The following PARP8 variants were observed in gnomAD, a reference collection of about 807,000 sequenced individuals.
The protein encoded by PARP8 is protein mono-ADP-ribosyltransferase PARP8.
PARP8 carries 51 observed loss-of-function variants against 124.1 expected under a neutral mutation model. The ratio of observed to expected loss-of-function variants is 0.41; its 90% CI spans 0.33 to 0.52. PARP8 has a LOEUF of 0.52. Ranked by LOEUF, PARP8 falls within the 20% of genes least tolerant of loss-of-function variation. PARP8 has a pLI of 0.21. For missense variants in PARP8, 860 were observed against 1,018.9 expected (o/e 0.84, Z 2.12); for synonymous variants, 391 against 361.5 (o/e 1.08, Z -0.93).
chr5:50,772,973 C>T (rs1761780571), intron 7 of PARP8, among the ~76,000 whole-genome samples: 1 of 152,236 alleles, frequency 6.6e-6, no homozygotes, highest in Non-Finnish European at 1.5e-5. Context: ...GCTGGGATTA[C>T]AGGCATGAGC....
At chr5:50,772,664 A>G (rs570958149) in intron 7 of PARP8, among the ~76,000 whole-genome samples, 1 of 151,960 alleles carries the variant, frequency 6.6e-6, no homozygotes, top group Non-Finnish European at 1.5e-5. Flanking sequence ...AGAAATGCAC[A>G]TTCGGGTCTT....
chr5:50,725,755 C>T (rs1756361935), intron 2 of PARP8, among the ~76,000 whole-genome samples: 1 of 152,092 alleles, frequency 6.6e-6, no homozygotes, highest in Admixed American at 6.6e-5. Flanking sequence ...AGTTAAATTG[C>T]AATAGAAGTA....
chr5:50,719,097 C>G (rs1755619829), intron 2 of PARP8, among the ~76,000 whole-genome samples: 1 of 151,906 alleles, frequency 6.6e-6, no homozygotes, highest in African/African-American at 2.4e-5. Context: ...ACCTTTTGGC[C>G]ATTTGTATGT....
intron 25 of PARP8, among the ~76,000 whole-genome samples, chr5:50,835,293 A>G (rs1360373367): frequency 6.6e-6 from 1 of 152,222 alleles, no homozygotes; most frequent in African/African-American, 2.4e-5. Flanking sequence ...CTGTAATCCC[A>G]ATACTTTGGG....
intron 6 of PARP8, 132 bp downstream of exon 6, chr5:50,762,030 T>C (rs1760596152): frequency 2.2e-6 from 1 of 455,652 alleles, no homozygotes; most frequent in South Asian, 5.2e-5. Flanking sequence ...AGAAAATCTA[T>C]ATAATTTATC....
intron 2 of PARP8, among the ~76,000 whole-genome samples, chr5:50,700,717 G>A (rs1753504287): frequency 6.6e-6 from 1 of 152,236 alleles, no homozygotes; most frequent in Non-Finnish European, 1.5e-5. Flanking sequence ...TTTAATAACT[G>A]AATATTTGTG....
At chr5:50,841,847 C>A (rs376211117) in intron 25 of PARP8, 119 bp from the exon 26 acceptor site, 1 of 628,338 alleles carries the variant, frequency 1.6e-6, no homozygotes, top group Non-Finnish European at 2.7e-6. Flanking sequence ...GAAAAACAAC[C>A]GTATAATTTG....
intron 7 of PARP8, among the ~76,000 whole-genome samples, chr5:50,776,211 A>T (rs1739994985): frequency 6.6e-6 from 1 of 152,238 alleles, no homozygotes; most frequent in African/African-American, 2.4e-5. Context: ...ATGTTGAATC[A>T]TCTTGCACTC....
intron 2 of PARP8, among the ~76,000 whole-genome samples, chr5:50,692,253 C>T (rs1417812547): frequency 6.6e-6 from 1 of 152,180 alleles, no homozygotes; most frequent in South Asian, 2.1e-4. Context: ...CATCTCTTGA[C>T]CTTTCCAGCC....
chr5:50,787,142 G>C (rs73101097), intron 9 of PARP8, among the ~76,000 whole-genome samples: 4 of 151,578 alleles, frequency 2.6e-5, no homozygotes, highest in Admixed American at 6.6e-5. Flanking sequence ...CAGTCCACCC[G>C]CAAAATCTGT....
chr5:50,693,250 T>C (rs547260988), intron 2 of PARP8, among the ~76,000 whole-genome samples: 1 of 152,356 alleles, frequency 6.6e-6, no homozygotes, highest in Non-Finnish European at 1.5e-5. Context: ...TTAGCTACTA[T>C]GGCTCAGCCT....
chr5:50,707,823 C>T (rs146121035), intron 2 of PARP8, among the ~76,000 whole-genome samples: 1 of 152,100 alleles, frequency 6.6e-6, no homozygotes, highest in Non-Finnish European at 1.5e-5. Flanking sequence ...CCTTATTTAA[C>T]GTATTTTAGA....
chr5:50,788,223 A>G (rs1317206975), intron 9 of PARP8, among the ~76,000 whole-genome samples: 1 of 143,492 alleles, frequency 7.0e-6, no homozygotes, highest in Non-Finnish European at 1.5e-5. Context: ...TATACATTAT[A>G]CTGTATATTA....
chr5:50,814,916 C>G (rs1260811379), intron 14 of PARP8, among the ~76,000 whole-genome samples: 6 of 151,972 alleles, frequency 3.9e-5, no homozygotes, highest in Non-Finnish European at 8.8e-5. Context: ...ATAACCGTTT[C>G]GTTTGCAACA....
intron 3 of PARP8, among the ~76,000 whole-genome samples, chr5:50,750,590 G>A (rs1183714267): frequency 1.3e-5 from 2 of 151,822 alleles, no homozygotes; most frequent in African/African-American, 2.4e-5. Context: ...TTTCTTTTTA[G>A]TATTAAAAAA....
intron 2 of PARP8, among the ~76,000 whole-genome samples, chr5:50,745,712 A>C (rs531133370): frequency 6.6e-6 from 1 of 152,198 alleles, no homozygotes; most frequent in Non-Finnish European, 1.5e-5. Flanking sequence ...GGCTGTTGGG[A>C]ATTAATTCAG....
Position 50,761,852 on chromosome 5 carries a change from A to T in PARP8, c.377A>T (p.Asp126Val). 1 of 1,604,126 alleles carries T rather than the reference A, an allele frequency of 6.2e-7. No individual in the cohort carries two copies. The highest frequency in any genetic ancestry group is 8.5e-7 in the Non-Finnish European group (1 of 1,173,424). ...AGACAGAATAGTACAGTGGAGGAAGATTCTGAAGGTGACAATGATTCCGAA... is the reference window on the plus strand; with the variant it reads ...AGACAGAATAGTACAGTGGAGGAAGTTTCTGAAGGTGACAATGATTCCGAA... ...ESRQNSTVEEDSEGDNDSEEF... is the reference protein window; with the variant it reads ...ESRQNSTVEEVSEGDNDSEEF... Residue 126 changes from aspartate to valine, a missense_variant, in exon 6 of 26, where the codon GAT becomes GTT. By Grantham distance (152) the Asp-to-Val change is radical (BLOSUM62 -3). Transcript: ENST00000281631.
At chr5:50,758,299 A>G (rs1760182152) in intron 3 of PARP8, among the ~76,000 whole-genome samples, 1 of 152,204 alleles carries the variant, frequency 6.6e-6, no homozygotes, top group South Asian at 2.1e-4. Context: ...GATTGCACTA[A>G]TCCAAATAAT....
intron 7 of PARP8, among the ~76,000 whole-genome samples, chr5:50,774,777 C>CT (rs1739754133): frequency 7.2e-6 from 1 of 138,180 alleles, no homozygotes. Flanking sequence ...ACGGGGCGGC[C>CT]GGGCAGAGGC....
Sources: allele counts gnomAD v4.1 joint callset (sites outside exome capture counted in the v4.1 genomes callset), GRCh38; gene constraint gnomAD v4.1.1; transcripts MANE v1.5; gene names NCBI Gene and HGNC (gene_info 2026-07-23, HGNC 2026-07-21).